INPP5A: variants seen among roughly 807,000 people sequenced by gnomAD.
INPP5A encodes 43 kDa inositol polyphosphate 5-phophatase.
INPP5A carries 14 observed loss-of-function variants against 65.2 expected under a neutral mutation model. The ratio of observed to expected loss-of-function variants is 0.21; its 90% CI spans 0.14 to 0.34. The LOEUF (loss-of-function observed/expected upper bound fraction) is 0.34, where lower values mean the gene tolerates loss of function less well. INPP5A is among the 10% of genes least tolerant of loss of function. The probability of loss-of-function intolerance (pLI) is 1.00; values close to 1 mark genes in which losing one functional copy is unlikely to be tolerated. For missense variants in INPP5A, 431 were observed against 545.6 expected (o/e 0.79, Z 2.09); for synonymous variants, 207 against 208.3 (o/e 0.99, Z 0.05).
At chr10:132,770,372 G>A (rs1371079883) in intron 12 of INPP5A, among the ~76,000 whole-genome samples, 2 of 152,254 alleles carry the variant, frequency 1.3e-5, no homozygotes, top group African/African-American at 4.8e-5. Context: ...AGGCCGTGGT[G>A]CTGTGCATAG....
chr10:132,713,828 T>C (rs1845692868), intron 8 of INPP5A, among the ~76,000 whole-genome samples: 1 of 152,044 alleles, frequency 6.6e-6, no homozygotes, highest in Non-Finnish European at 1.5e-5. Context: ...GGGACTGTGC[T>C]CTCAACTGCC....
intron 2 of INPP5A, among the ~76,000 whole-genome samples, chr10:132,609,891 C>G (rs2071918872): frequency 6.6e-6 from 1 of 152,252 alleles, no homozygotes; most frequent in African/African-American, 2.4e-5. Context: ...ATCTGCCTGC[C>G]TTGGCCTCCC....
chr10:132,664,314 A>G (rs534598317), intron 4 of INPP5A, among the ~76,000 whole-genome samples: 65 of 152,364 alleles, frequency 4.3e-4, no homozygotes, highest in African/African-American at 1.3e-3. Flanking sequence ...TGAATGAACA[A>G]ATATTTTCTC....
At chr10:132,719,302 T>G in intron 8 of INPP5A, among the ~76,000 whole-genome samples, 1 of 150,048 alleles carries the variant, frequency 6.7e-6, no homozygotes, top group East Asian at 2.0e-4. Context: ...CTGGGTTCTG[T>G]CTGGGCGCCT....
intron 2 of INPP5A, among the ~76,000 whole-genome samples, chr10:132,617,411 C>T (rs1303940300): frequency 2.6e-5 from 4 of 152,136 alleles, no homozygotes; most frequent in South Asian, 2.1e-4. Flanking sequence ...GGATGTCCAC[C>T]GGCCGTGGGC....
At chr10:132,669,709 C>A (rs971287898) in intron 4 of INPP5A, among the ~76,000 whole-genome samples, 1 of 152,152 alleles carries the variant, frequency 6.6e-6, no homozygotes, top group Non-Finnish European at 1.5e-5. Context: ...GCAGAGAGGG[C>A]GGGCGCGGTT....
intron 1 of INPP5A, among the ~76,000 whole-genome samples, chr10:132,543,130 C>A (rs1486237568): frequency 6.6e-6 from 1 of 152,096 alleles, no homozygotes; most frequent in Admixed American, 6.5e-5. Flanking sequence ...ATGAGGTGTA[C>A]AATTCACTGG....
rs2071114301 is a variant in INPP5A at position 132,555,447 on chromosome 10, C to CTGGGGCGTGGCCACGCTGGGAGGATGAG, written c.75+17277_75+17304dup. Among the ~76,000 whole-genome samples, 2 of 151,922 alleles carry CTGGGGCGTGGCCACGCTGGGAGGATGAG rather than the reference C, an allele frequency of 1.3e-5. No homozygotes were observed. Among genetic ancestry groups the CTGGGGCGTGGCCACGCTGGGAGGATGAG allele is most frequent in the East Asian group, 3.9e-4 (2 of 5,176 alleles). On this transcript the variant is annotated intron_variant, in intron 1 of 15. Transcript: ENST00000368594. The surrounding 1 kb of genome is among the most constrained non-coding windows in gnomAD (Gnocchi z 4.4). ...GGAAGGGGAAGAAGGGGGGCTTGGG[C>CTGGGGCGTGGCCACGCTGGGAGGATGAG]TGGGGCGTGGCCACGCTGGGAGGAT...
chr10:132,707,106 G>A lies in INPP5A; in HGVS notation c.475-1207G>A, dbSNP rs902125770. ...ACGCCACGCTGGACCCTTTCTTCAC[G>A]GGTGTTTCGTCCACAGTTAACTCCA... On this transcript the variant is annotated intron_variant, in intron 6 of 15. Coordinates refer to ENST00000368594, the MANE Select transcript of INPP5A (RefSeq NM_005539.5). The surrounding 1 kb of genome is among the most constrained non-coding windows in gnomAD (Gnocchi z 5.5). Among the ~76,000 whole-genome samples, 11 of 152,186 alleles carry A rather than the reference G, an allele frequency of 7.2e-5. No homozygotes were observed. Among genetic ancestry groups the A allele is most frequent in the Non-Finnish European group, 1.5e-4 (10 of 68,016 alleles).
chr10:132,580,543 G>A (rs1165165183), intron 1 of INPP5A, among the ~76,000 whole-genome samples: 1 of 152,166 alleles, frequency 6.6e-6, no homozygotes, highest in African/African-American at 2.4e-5. Flanking sequence ...GTGTGAGAAC[G>A]GACTAATACT....
chr10:132,665,738 C>T (rs1262206463), intron 4 of INPP5A, among the ~76,000 whole-genome samples: 90 of 144,828 alleles, frequency 6.2e-4, no homozygotes, highest in African/African-American at 1.9e-3. Flanking sequence ...ATTGCTTGAG[C>T]TTAGGAGTAA....
chr10:132,769,130 G>T (rs1396167013), intron 12 of INPP5A, among the ~76,000 whole-genome samples: 3 of 152,240 alleles, frequency 2.0e-5, no homozygotes, highest in Admixed American at 2.0e-4. Context: ...GACCAGCGGG[G>T]TCTTCTCCTG....
At chr10:132,719,403 G>C (rs1256532727) in intron 8 of INPP5A, among the ~76,000 whole-genome samples, 1 of 148,712 alleles carries the variant, frequency 6.7e-6, no homozygotes, top group Non-Finnish European at 1.5e-5. Flanking sequence ...CCTGGGTTCT[G>C]TCTGGGCACC....
chr10:132,718,462 A>T (rs566958843), intron 8 of INPP5A, among the ~76,000 whole-genome samples: 1 of 140,218 alleles, frequency 7.1e-6, no homozygotes, highest in African/African-American at 2.7e-5. Context: ...GGCTGTCTTC[A>T]GGGTTCTGTG....
At chr10:132,759,340 C>T (rs373067400) in intron 11 of INPP5A, among the ~76,000 whole-genome samples, 1 of 151,518 alleles carries the variant, frequency 6.6e-6, no homozygotes, top group Non-Finnish European at 1.5e-5. Flanking sequence ...AGAGGAGGGT[C>T]GGGGATCTTA....
chr10:132,718,254 T>C (rs912676334), intron 8 of INPP5A, among the ~76,000 whole-genome samples: 1 of 142,926 alleles, frequency 7.0e-6, no homozygotes, highest in Non-Finnish European at 1.5e-5. Flanking sequence ...ACGGCTGTCT[T>C]GCGGGTTCTG....
chr10:132,596,932 CACGCAT>C (rs1564929000), intron 1 of INPP5A, among the ~76,000 whole-genome samples: 19 of 128,996 alleles, frequency 1.5e-4, no homozygotes, highest in African/African-American at 3.8e-4. Context: ...CGCGCATGTG[CACGCAT>C]GTGTGCGTGT....
chr10:132,742,071 C>T (rs71481949), intron 9 of INPP5A, among the ~76,000 whole-genome samples: 2 of 152,228 alleles, frequency 1.3e-5, no homozygotes, highest in African/African-American at 4.8e-5. Context: ...TCCTACAGCC[C>T]TGAGGGGCGG....
intron 1 of INPP5A, among the ~76,000 whole-genome samples, chr10:132,570,106 G>GT (rs1179413747): frequency 7.9e-5 from 11 of 138,790 alleles, no homozygotes; most frequent in South Asian, 7.1e-4. Flanking sequence ...GGCCCCCACT[G>GT]TTTTTTTTAA....
Sources: allele counts gnomAD v4.1 joint callset (sites outside exome capture counted in the v4.1 genomes callset), GRCh38; gene constraint gnomAD v4.1.1; non-coding constraint Gnocchi (gnomAD v3.1); transcripts MANE v1.5; gene names NCBI Gene and HGNC (gene_info 2026-07-23, HGNC 2026-07-21).